Variants in JPH3 observed in about 807,000 individuals in gnomAD.
The protein encoded by JPH3 is junctophilin-3.
JPH3 carries 11 observed loss-of-function variants against 59.6 expected under a neutral mutation model. The ratio of observed to expected loss-of-function variants is 0.18; its 90% confidence interval spans 0.12 to 0.31. The LOEUF is 0.31. JPH3 is among the 10% of genes least tolerant of loss of function. JPH3 has a pLI of 1.00. For missense variants in JPH3, 1,202 were observed against 1,105.7 expected, an observed-to-expected ratio of 1.09 and a Z score of -1.24; for synonymous variants, 673 against 483.6, an observed-to-expected ratio of 1.39 and a Z score of -5.14.
chr16:87,655,711 C>T (rs781435636), intron 2 of JPH3, among the ~76,000 whole-genome samples: 11 of 152,210 alleles, frequency 7.2e-5, no homozygotes, highest in East Asian at 1.9e-4. Flanking sequence ...TTTCCAAGGG[C>T]GATATTCAGA....
chr16:87,615,459 T>G (rs984626508), intron 1 of JPH3, among the ~76,000 whole-genome samples: 2 of 152,214 alleles, frequency 1.3e-5, no homozygotes, highest in African/African-American at 2.4e-5. Flanking sequence ...ACAGCTGCTG[T>G]GTTTCTTTCC....
At chr16:87,635,892 C>A (rs1414527336) in intron 1 of JPH3, among the ~76,000 whole-genome samples, 1 of 152,232 alleles carries the variant, frequency 6.6e-6, no homozygotes, top group Non-Finnish European at 1.5e-5. Context: ...CAGCCACACC[C>A]TCCTGAGAGG....
intron 2 of JPH3, among the ~76,000 whole-genome samples, chr16:87,646,310 C>T (rs1199249003): frequency 1.3e-5 from 2 of 152,222 alleles, no homozygotes; most frequent in Admixed American, 1.3e-4. Flanking sequence ...TTGCTCGCGA[C>T]TTCTATTGTT....
At chr16:87,685,369 C>A (rs1395157286) in intron 3 of JPH3, among the ~76,000 whole-genome samples, 1 of 152,248 alleles carries the variant, frequency 6.6e-6, no homozygotes, top group Admixed American at 6.5e-5. Context: ...ACACACGCAC[C>A]CCAAAGTGTC....
intron 1 of JPH3, among the ~76,000 whole-genome samples, chr16:87,634,316 T>C (rs60718447): frequency 0.078 from 11,789 of 151,934 alleles, 1,365 homozygotes; most frequent in African/African-American, 0.25. Flanking sequence ...AGAGTGGGTA[T>C]AGGGGACAGA....
At chr16:87,658,082 C>A (rs1277271455) in intron 2 of JPH3, among the ~76,000 whole-genome samples, 1 of 152,202 alleles carries the variant, frequency 6.6e-6, no homozygotes. Flanking sequence ...CCCCGGAAGG[C>A]ACCATGCGGC....
intron 2 of JPH3, chr16:87,654,918 A>G (rs7200927): frequency 0.64 from 96,894 of 152,162 alleles, 31,151 homozygotes; most frequent in South Asian, 0.73. Context: ...GCCTTCGACA[A>G]GAACGTGTGA....
At chr16:87,667,328 A>G (rs1417707697) in intron 2 of JPH3, among the ~76,000 whole-genome samples, 1 of 152,206 alleles carries the variant, frequency 6.6e-6, no homozygotes, top group Non-Finnish European at 1.5e-5. Flanking sequence ...TATTCTGAGG[A>G]TTAGGACGTG....
chr16:87,695,647 C>G, intron 4 of JPH3: 1 of 456,064 alleles, frequency 2.2e-6, no homozygotes, highest in Non-Finnish European at 4.4e-6. Flanking sequence ...CGTCCATTCC[C>G]TGTGCAGCAG....
intron 2 of JPH3, among the ~76,000 whole-genome samples, chr16:87,664,676 AG>A (rs1255437031): frequency 1.3e-5 from 2 of 152,196 alleles, no homozygotes; most frequent in Non-Finnish European, 2.9e-5. Context: ...GGCTGGGGCC[AG>A]GGTGGAACAG....
At chr16:87,656,797 G>A (rs4843658) in intron 2 of JPH3, among the ~76,000 whole-genome samples, 4 of 152,036 alleles carry the variant, frequency 2.6e-5, no homozygotes, top group East Asian at 3.9e-4. Context: ...AACAAAATAC[G>A]ATAGAGTGGG....
At chr16:87,669,270 C>G (rs765309112) in intron 2 of JPH3, among the ~76,000 whole-genome samples, 21 of 152,170 alleles carry the variant, frequency 1.4e-4, no homozygotes, top group Non-Finnish European at 2.8e-4. Flanking sequence ...GGATGCTTGC[C>G]TGCTGGGTAG....
At chr16:87,667,898 A>G (rs1043292260) in intron 2 of JPH3, among the ~76,000 whole-genome samples, 1 of 152,032 alleles carries the variant, frequency 6.6e-6, no homozygotes, top group Admixed American at 6.6e-5. Flanking sequence ...CATGGCTGCC[A>G]TTGGGCTGTG....
Position 87,689,823 on chromosome 16 carries a change from C to T in JPH3, c.1463C>T (p.Pro488Leu), listed in dbSNP as rs771811727. ...TTCCCCACCAGCCCCGCGGCCACCCCGCCGCCCGCGCCCGCCGCCAGGAAC... is the reference window on the plus strand; with the variant it reads ...TTCCCCACCAGCCCCGCGGCCACCCTGCCGCCCGCGCCCGCCGCCAGGAAC... Reference protein sequence around the residue: ...QSFPTSPAATPPPAPAARNKV... With the variant: ...QSFPTSPAATLPPAPAARNKV... Residue 488 changes from proline to leucine, a missense_variant, in exon 4 of 5, where the codon CCG becomes CTG. Physicochemically the swap from Pro to Leu is moderately conservative, Grantham distance 98. Coordinates refer to ENST00000284262, the MANE Select transcript of JPH3 (RefSeq NM_020655.4). 5.8e-6 allele frequency: 9 copies of T among 1,560,452 alleles called. No homozygotes were observed. Among genetic ancestry groups the T allele is most frequent in the African/African-American group, 5.4e-5 (4 of 73,402 alleles).
At chr16:87,653,072 G>C (rs9924006) in intron 2 of JPH3, among the ~76,000 whole-genome samples, 19,595 of 152,168 alleles carry the variant, frequency 0.13, 1,383 homozygotes, top group African/African-American at 0.16. Context: ...GTGCCTGCGG[G>C]GGGGACTAGA....
chr16:87,695,539 G>GGGGAGAGGCAGGGGCAAGT (rs1257119506), intron 4 of JPH3: 1 of 454,744 alleles, frequency 2.2e-6, no homozygotes. Context: ...TGGTGGGGGT[G>GGGGAGAGGCAGGGGCAAGT]GGGAGAGGCA....
chr16:87,650,381 C>T (rs556935856), intron 2 of JPH3, among the ~76,000 whole-genome samples: 1 of 152,202 alleles, frequency 6.6e-6, no homozygotes, highest in Non-Finnish European at 1.5e-5. Flanking sequence ...CCATCCCTCT[C>T]TCTCCTCTGG....
chr16:87,677,785 G>A (rs1233952529), intron 2 of JPH3, among the ~76,000 whole-genome samples: 1 of 152,224 alleles, frequency 6.6e-6, no homozygotes, highest in Admixed American at 6.5e-5. Flanking sequence ...CCACCTACGA[G>A]TGTGTACCAG....
chr16:87,675,172 CT>C (rs2033112940), intron 2 of JPH3, among the ~76,000 whole-genome samples: 1 of 97,250 alleles, frequency 1.0e-5, no homozygotes, highest in African/African-American at 4.0e-5. Flanking sequence ...CTGGCAGAAG[CT>C]TTCACCCCCC....
Sources: allele counts gnomAD v4.1 joint callset (sites outside exome capture counted in the v4.1 genomes callset), GRCh38; gene constraint gnomAD v4.1.1; transcripts MANE v1.5; gene names NCBI Gene and HGNC (gene_info 2026-07-23, HGNC 2026-07-21).